Variants in IL1RAPL1 observed in about 807,000 individuals in gnomAD.
The protein encoded by IL1RAPL1 is interleukin-1 receptor accessory protein-like 1.
In IL1RAPL1, 3 loss-of-function variants were observed where a neutral mutation model predicts 48.4. The ratio of observed to expected loss-of-function variants is 0.06; its 90% confidence interval spans 0.03 to 0.16. The LOEUF (loss-of-function observed/expected upper bound fraction) is 0.16, where lower values mean the gene tolerates loss of function less well. IL1RAPL1 is among the 10% of genes least tolerant of loss of function. IL1RAPL1 has a pLI of 1.00. For synonymous variants in IL1RAPL1, 185 were observed against 187.7 expected (o/e 0.99, Z 0.12); for missense variants, 349 against 530.6 (o/e 0.66, Z 3.36).
Position 29,342,808 on chromosome X carries a change from G to A in IL1RAPL1, c.363-53450G>A, listed in dbSNP as rs748888397. On this transcript the variant is annotated intron_variant, in intron 3 of 10. Coordinates refer to ENST00000378993, the MANE Select transcript of IL1RAPL1 (RefSeq NM_014271.4). ...CTAAAAATTACGATGTTGATAATGT[G>A]TTTCTCTTTAAGTTCAAGTAAACAT... is the stretch of plus-strand genomic sequence containing the variant. 2.1e-4 allele frequency among the ~76,000 whole-genome samples: 24 copies of A among 112,582 alleles called. No homozygotes were observed. The South Asian group carries it at 8.1e-3, about 38-fold the overall frequency.
At chrX:29,612,453 C>G (rs963839318) in intron 5 of IL1RAPL1, among the ~76,000 whole-genome samples, 3 of 110,223 alleles carry the variant, frequency 2.7e-5, no homozygotes, top group Non-Finnish European at 5.7e-5. Flanking sequence ...TGAAAGAGCA[C>G]AGGAGAAAGG....
chrX:29,368,515 G>A (rs1272661075), intron 3 of IL1RAPL1, among the ~76,000 whole-genome samples: 1 of 111,222 alleles, frequency 9.0e-6, no homozygotes, highest in African/African-American at 3.3e-5. Flanking sequence ...TGGAGTAGCT[G>A]GGATCACAGG....
intron 3 of IL1RAPL1, among the ~76,000 whole-genome samples, chrX:29,303,426 A>G (rs1950292724): frequency 8.9e-6 from 1 of 112,115 alleles, no homozygotes; most frequent in Non-Finnish European, 1.9e-5. Flanking sequence ...GTTTTAGTAT[A>G]AATATGAAAC....
At chrX:29,432,601 G>A (rs981458474) in intron 5 of IL1RAPL1, among the ~76,000 whole-genome samples, 1 of 111,581 alleles carries the variant, frequency 9.0e-6, no homozygotes, top group African/African-American at 3.3e-5. Context: ...AATCTTTCTT[G>A]CCTGTTTAAC....
At chrX:29,500,786 A>T (rs970899317) in intron 5 of IL1RAPL1, among the ~76,000 whole-genome samples, 2 of 111,441 alleles carry the variant, frequency 1.8e-5, no homozygotes, top group Non-Finnish European at 3.8e-5. Context: ...ATGGAAGTGT[A>T]GATCTCTCTT....
At chrX:28,980,373 A>T (rs919975970) in intron 2 of IL1RAPL1, among the ~76,000 whole-genome samples, 20 of 112,728 alleles carry the variant, frequency 1.8e-4, no homozygotes, top group African/African-American at 6.4e-4. Flanking sequence ...GCTCATATTT[A>T]TATATCAAGT....
At chrX:28,693,455 T>G (rs1246274578) in intron 1 of IL1RAPL1, among the ~76,000 whole-genome samples, 1 of 112,311 alleles carries the variant, frequency 8.9e-6, no homozygotes, top group African/African-American at 3.2e-5. Flanking sequence ...CATCTGCAGA[T>G]GTACTGTCCA....
intron 1 of IL1RAPL1, among the ~76,000 whole-genome samples, chrX:28,630,281 C>A (rs1468193237): frequency 9.0e-6 from 1 of 111,137 alleles, no homozygotes; most frequent in Non-Finnish European, 1.9e-5. Context: ...TAACTATTTC[C>A]TTTTCCCAAG....
intron 2 of IL1RAPL1, among the ~76,000 whole-genome samples, chrX:29,100,346 G>C (rs1232877465): frequency 8.9e-6 from 1 of 112,179 alleles, no homozygotes; most frequent in East Asian, 2.8e-4. Context: ...TGGACAGGCA[G>C]CCTTTATGGA....
chrX:29,383,392 G>T (rs1415377909), intron 3 of IL1RAPL1, among the ~76,000 whole-genome samples: 3 of 111,951 alleles, frequency 2.7e-5, no homozygotes, highest in African/African-American at 9.7e-5. Context: ...TTCGGATAAA[G>T]ATTGGACCCA....
intron 5 of IL1RAPL1, among the ~76,000 whole-genome samples, chrX:29,429,894 G>GGT (rs1556011349): frequency 0.02 from 1,719 of 85,071 alleles, 11 homozygotes; most frequent in African/African-American, 0.027. Flanking sequence ...GTGTGTGTGT[G>GGT]GTGTGTGTGT....
chrX:29,809,663 T>C (rs1260036797), intron 6 of IL1RAPL1, among the ~76,000 whole-genome samples: 1 of 111,398 alleles, frequency 9.0e-6, no homozygotes, highest in Non-Finnish European at 1.9e-5. Flanking sequence ...AAGAAGTTTT[T>C]ATTGTGGTGG....
intron 1 of IL1RAPL1, among the ~76,000 whole-genome samples, chrX:28,748,697 CT>C: frequency 9.0e-6 from 1 of 111,456 alleles, no homozygotes; most frequent in South Asian, 3.7e-4. Flanking sequence ...TATGAAGTAT[CT>C]TTTGATATTT....
At chrX:29,412,414 G>A (rs1156333132) in intron 5 of IL1RAPL1, among the ~76,000 whole-genome samples, 1 of 112,200 alleles carries the variant, frequency 8.9e-6, no homozygotes, top group African/African-American at 3.2e-5. Flanking sequence ...TATTTTAAAT[G>A]TAAAATATGT....
chrX:29,247,015 A>T (rs891002663), intron 2 of IL1RAPL1, among the ~76,000 whole-genome samples: 4 of 112,445 alleles, frequency 3.6e-5, no homozygotes, highest in Non-Finnish European at 7.5e-5. Flanking sequence ...GTGAAAAAAT[A>T]GTTTGTTAGG....
intron 3 of IL1RAPL1, among the ~76,000 whole-genome samples, chrX:29,373,121 C>T (rs111887057): frequency 0.014 from 1,567 of 110,888 alleles, 30 homozygotes; most frequent in African/African-American, 0.049. Flanking sequence ...TTTAGTTCTC[C>T]TTGTAGAGAT....
Position 29,956,711 on chromosome X carries a change from CAAAA to C in IL1RAPL1, c.*895_*898del, listed in dbSNP as rs1181399252. The C allele has an allele frequency of 4.0e-5, 2 of 49,815 alleles. No individual in the cohort carries two copies. Among genetic ancestry groups the C allele is most frequent in the Non-Finnish European group, 8.0e-5 (2 of 25,009 alleles). The allele number at this position is 49,815 out of a possible 1,213,427, so 4.1% of individuals were successfully genotyped here. On this transcript the variant is annotated 3_prime_UTR_variant, in exon 11 of 11. Coordinates refer to ENST00000378993, the MANE Select transcript of IL1RAPL1 (RefSeq NM_014271.4). The stretch of plus-strand genomic sequence containing the variant: ...TATATATAAAAACAACAAAACAAAA[CAAAA>C]AAAGAAAAAAAAACAAAAAACAAAA...
intron 5 of IL1RAPL1, among the ~76,000 whole-genome samples, chrX:29,463,280 C>T (rs1012391810): frequency 4.5e-5 from 5 of 110,360 alleles, no homozygotes; most frequent in African/African-American, 1.6e-4. Context: ...TATAGCTTTA[C>T]GAAAAAGAAG....
At chrX:29,205,901 A>T (rs1602111191) in intron 2 of IL1RAPL1, among the ~76,000 whole-genome samples, 1 of 101,835 alleles carries the variant, frequency 9.8e-6, no homozygotes, top group Non-Finnish European at 2.0e-5. Context: ...CACCCAGCTA[A>T]TTTTTTTTTT....
Sources: allele counts gnomAD v4.1 joint callset (sites outside exome capture counted in the v4.1 genomes callset), GRCh38; gene constraint gnomAD v4.1.1; transcripts MANE v1.5; gene names NCBI Gene and HGNC (gene_info 2026-07-23, HGNC 2026-07-21).